CNDP1: variants seen among roughly 807,000 people sequenced by gnomAD.
CNDP1 encodes the protein beta-Ala-His dipeptidase.
Under a neutral mutation model 58.1 loss-of-function variants are expected in CNDP1, and 44 were observed. The ratio of observed to expected loss-of-function variants is 0.76; its 90% confidence interval spans 0.60 to 0.97. The LOEUF (loss-of-function observed/expected upper bound fraction) is 0.97. Among genes scored for constraint, CNDP1 ranks in the 50% least tolerant of loss-of-function variants. CNDP1 has a pLI of 0.00. For synonymous variants in CNDP1, 254 were observed against 252.6 expected, an observed-to-expected ratio of 1.01 and a Z score of -0.05; for missense variants, 616 against 655.1, an observed-to-expected ratio of 0.94 and a Z score of 0.65.
At chr18:74,551,198 C>A (rs1980897281) in intron 1 of CNDP1, among the ~76,000 whole-genome samples, 1 of 152,108 alleles carries the variant, frequency 6.6e-6, no homozygotes, top group Non-Finnish European at 1.5e-5. Context: ...GACCTCCTCA[C>A]AAGGTGAGCT....
At chr18:74,575,085 G>GAAGGAAAGA (rs1981593336) in intron 7 of CNDP1, among the ~76,000 whole-genome samples, 1 of 146,842 alleles carries the variant, frequency 6.8e-6, no homozygotes, top group African/African-American at 2.5e-5. Flanking sequence ...GGAAAGAAAG[G>GAAGGAAAGA]AAGGAAGGAA....
At chr18:74,569,600 G>T (rs187157789) in intron 6 of CNDP1, among the ~76,000 whole-genome samples, 1 of 152,102 alleles carries the variant, frequency 6.6e-6, no homozygotes, top group South Asian at 2.1e-4. Context: ...TTAAATTAGC[G>T]TGAGCACCGC....
At position 74,545,378 on chromosome 18, in the gene CNDP1, G is replaced by A; in HGVS notation, c.24+10687G>A. On this transcript the variant is annotated intron_variant, in intron 1 of 11. Coordinates refer to ENST00000358821, the MANE Select transcript of CNDP1 (RefSeq NM_032649.6). This position sits in a 1 kb window ranked among gnomAD's most constrained non-coding sequence, Gnocchi z 4.1. ...ACCTTGGTTCACAGGCACCAAGGAC[G>A]CCTAAAGCCTGGCACTTTGAAGTCA... Among the ~76,000 whole-genome samples the A allele has an allele frequency of 6.6e-6, 1 of 152,342 alleles. No individual in the cohort carries two copies. The highest frequency in any genetic ancestry group is 2.1e-4 in the South Asian group (1 of 4,826).
chr18:74,558,445 A>ACAGATCT (rs1324095261), intron 2 of CNDP1, among the ~76,000 whole-genome samples: 1 of 131,682 alleles, frequency 7.6e-6, no homozygotes, highest in African/African-American at 3.0e-5. Context: ...CCCAGACTGG[A>ACAGATCT]GTGCAGTGGC....
chr18:74,560,533 A>G (rs1163118307), intron 3 of CNDP1, among the ~76,000 whole-genome samples: 3 of 151,910 alleles, frequency 2.0e-5, no homozygotes, highest in African/African-American at 7.3e-5. Context: ...TGGCAAACCT[A>G]TCTCTACCAA....
chr18:74,534,753 G>C (rs904794681), intron 1 of CNDP1, 62 bp downstream of exon 1: 1 of 1,598,136 alleles, frequency 6.3e-7, no homozygotes, highest in African/African-American at 1.3e-5. Context: ...TTTGTCCCGG[G>C]AGCATGTGCG....
chr18:74,550,012 T>C (rs1980861329), intron 1 of CNDP1, among the ~76,000 whole-genome samples: 1 of 152,224 alleles, frequency 6.6e-6, no homozygotes, highest in Non-Finnish European at 1.5e-5. Context: ...AAAGCCTCAG[T>C]GCCTAGAAAG....
intron 9 of CNDP1, among the ~76,000 whole-genome samples, chr18:74,579,196 T>TTC (rs1321840453): frequency 3.3e-5 from 2 of 60,918 alleles, no homozygotes; most frequent in Admixed American, 2.0e-4. Context: ...TTTCCTTCCC[T>TTC]TCCCTTGCCT....
intron 10 of CNDP1, among the ~76,000 whole-genome samples, chr18:74,582,779 G>A (rs1215091209): frequency 6.6e-6 from 1 of 152,116 alleles, no homozygotes; most frequent in Non-Finnish European, 1.5e-5. Context: ...ATCCTGGAAG[G>A]GAAAAAGGGA....
intron 2 of CNDP1, among the ~76,000 whole-genome samples, chr18:74,557,920 T>C (rs1981083532): frequency 6.6e-6 from 1 of 152,168 alleles, no homozygotes; most frequent in Non-Finnish European, 1.5e-5. Context: ...GAAACCTGAG[T>C]GGGGTTTCCA....
intron 1 of CNDP1, among the ~76,000 whole-genome samples, chr18:74,553,596 C>T (rs930343313): frequency 2.6e-5 from 4 of 152,130 alleles, no homozygotes; most frequent in African/African-American, 7.2e-5. Flanking sequence ...TCTGGATTTT[C>T]GGTTCTATCC....
At chr18:74,573,147 TTATC>T (rs1321119823) in intron 7 of CNDP1, among the ~76,000 whole-genome samples, 1 of 152,148 alleles carries the variant, frequency 6.6e-6, no homozygotes, top group Non-Finnish European at 1.5e-5. Context: ...CATCCATCTA[TTATC>T]TATCCATCTA....
chr18:74,573,040 T>C (rs78778420), intron 7 of CNDP1, among the ~76,000 whole-genome samples: 5,841 of 152,244 alleles, frequency 0.038, 372 homozygotes, highest in African/African-American at 0.13. Context: ...AACTGAATAA[T>C]GAAATTTACC....
chr18:74,536,295 G>T (rs11662276), intron 1 of CNDP1, among the ~76,000 whole-genome samples: 1 of 151,848 alleles, frequency 6.6e-6, no homozygotes, highest in African/African-American at 2.4e-5. Context: ...CCCTCCTCCC[G>T]TCCTCCACCC....
At position 74,560,953 on chromosome 18, in the gene CNDP1, ACGTGCAGCCTG is replaced by A. The variant is rs748566166; in HGVS notation, c.403_413del (p.Val135Ter). 6.8e-6 allele frequency: 11 copies of A among 1,613,992 alleles called. No homozygotes were observed. Among genetic ancestry groups the A allele is most frequent in the Non-Finnish European group, 8.5e-6 (10 of 1,180,030 alleles). On this transcript the variant is annotated frameshift_variant, in exon 4 of 12. Transcript: ENST00000358821. LOFTEE classifies it high-confidence loss of function. ...ACCGTGTGCTTCTACGGCCACTTGG[ACGTGCAGCCTG>A]CTGACCGGGGCGATGGGTGGCTCAC...
intron 2 of CNDP1, among the ~76,000 whole-genome samples, chr18:74,557,226 T>C (rs1981066640): frequency 6.6e-6 from 1 of 151,714 alleles, no homozygotes; most frequent in African/African-American, 2.4e-5. Flanking sequence ...CCCTCTTTTT[T>C]TCTGTTATTT....
intron 6 of CNDP1, among the ~76,000 whole-genome samples, chr18:74,569,533 T>A (rs1981416518): frequency 6.6e-6 from 1 of 152,108 alleles, no homozygotes; most frequent in African/African-American, 2.4e-5. Context: ...AAGTAGAAGG[T>A]CAGACCTCCA....
At chr18:74,574,323 T>C (rs2144572662) in intron 7 of CNDP1, among the ~76,000 whole-genome samples, 1 of 152,360 alleles carries the variant, frequency 6.6e-6, no homozygotes, top group Middle Eastern at 3.4e-3. Flanking sequence ...GGGCTTAGTA[T>C]GCAGGGGAGG....
At chr18:74,535,602 C>A (rs1980467900) in intron 1 of CNDP1, among the ~76,000 whole-genome samples, 1 of 14,284 alleles carries the variant, frequency 7.0e-5, no homozygotes, top group Non-Finnish European at 1.6e-4. Context: ...TTTAAAGAAC[C>A]CATGACTGGC....
Sources: gnomAD v4.1 joint callset for allele counts (sites outside exome capture counted in the v4.1 genomes callset) on GRCh38, gnomAD v4.1.1 for gene constraint, Gnocchi (gnomAD v3.1) non-coding constraint, MANE v1.5 for transcripts, NCBI Gene and HGNC (gene_info 2026-07-23, HGNC 2026-07-21) for gene names.